Variants in RASSF8 observed in about 807,000 individuals in gnomAD.
RASSF8 encodes ras association domain-containing protein 8.
In RASSF8, 22 loss-of-function variants were observed where a neutral mutation model predicts 48.5. The ratio of observed to expected loss-of-function variants is 0.45; its 90% CI spans 0.32 to 0.65. The LOEUF is 0.65. Ranked by LOEUF, RASSF8 falls within the 30% of genes least tolerant of loss-of-function variation. The pLI, the probability that RASSF8 is intolerant of heterozygous loss-of-function variation, is 0.03. For missense variants in RASSF8, 418 were observed against 489.2 expected (o/e 0.85, Z 1.37); for synonymous variants, 127 against 171.5 (o/e 0.74, Z 2.03).
At position 26,069,248 on chromosome 12, in the gene RASSF8, T is replaced by A; in HGVS notation, c.*430T>A. On this transcript the variant is annotated 3_prime_UTR_variant, in exon 6 of 6. Coordinates refer to ENST00000689635, the MANE Select transcript of RASSF8 (RefSeq NM_001394098.1). ...GACTTATCCTGTGACTGACTTACGT[T>A]ACATATTGTGTGATTATGACCGTGT... 2 of 988,346 alleles carry A rather than the reference T, an allele frequency of 2.0e-6. No homozygotes were observed. The highest frequency in any genetic ancestry group is 2.4e-6 in the Non-Finnish European group (2 of 830,484). 61.2% of individuals were successfully genotyped at this position (988,346 alleles called of 1,614,324 possible). A position where few individuals can be genotyped will look rare whatever the true frequency, so the allele number is the denominator to read the frequency against.
intron 2 of RASSF8, among the ~76,000 whole-genome samples, chr12:26,007,138 C>G (rs548625574): frequency 6.6e-6 from 1 of 152,162 alleles, no homozygotes; most frequent in African/African-American, 2.4e-5. Flanking sequence ...GCAACCAGCT[C>G]TGGCAGAGCT....
intron 2 of RASSF8, among the ~76,000 whole-genome samples, chr12:26,018,495 G>A (rs1942706020): frequency 6.6e-6 from 1 of 152,114 alleles, no homozygotes; most frequent in Non-Finnish European, 1.5e-5. Flanking sequence ...AAAACCAAAT[G>A]TGGATCACAG....
chr12:26,061,797 A>G (rs1209404770), intron 3 of RASSF8, among the ~76,000 whole-genome samples: 1 of 152,190 alleles, frequency 6.6e-6, no homozygotes, highest in Non-Finnish European at 1.5e-5. Flanking sequence ...CCCAATTTAT[A>G]TAATAAAATC....
rs864920 is a variant in RASSF8, at chr12:25,983,414, A to T, written c.-202-11623A>T. Among the ~76,000 whole-genome samples the T allele has an allele frequency of 7.7e-4, 117 of 152,266 alleles. 1 individual carries two copies. Among genetic ancestry groups the T allele is most frequent in the Middle Eastern group, 6.8e-3 (2 of 294 alleles). ...CCCACAGAAAGAAATTCACTTACTGACACATGTGTATGCATATGATACATG... is the reference window on the plus strand; with the variant it reads ...CCCACAGAAAGAAATTCACTTACTGTCACATGTGTATGCATATGATACATG... On this transcript the variant is annotated intron_variant, in intron 1 of 5. Transcript: ENST00000689635.
intron 1 of RASSF8, among the ~76,000 whole-genome samples, chr12:25,992,797 T>A (rs1174886027): frequency 2.0e-5 from 3 of 152,214 alleles, no homozygotes; most frequent in African/African-American, 7.2e-5. Context: ...CTTAAGCCTC[T>A]TGTTTCTCAT....
intron 2 of RASSF8, among the ~76,000 whole-genome samples, chr12:26,006,186 A>G (rs148616127): frequency 6.6e-6 from 1 of 151,988 alleles, no homozygotes. Context: ...CCTTATCTCT[A>G]TCCTTTTCTT....
At chr12:26,075,197 G>C (rs563378162), downstream of RASSF8, among the ~76,000 whole-genome samples, 15 of 152,290 alleles carry the variant, frequency 9.8e-5, no homozygotes, top group African/African-American at 3.6e-4. Flanking sequence ...AAGAATCAAA[G>C]ATACTCCAGG....
intron 3 of RASSF8, among the ~76,000 whole-genome samples, chr12:26,056,513 C>T (rs542843825): frequency 5.3e-5 from 8 of 152,294 alleles, no homozygotes; most frequent in Non-Finnish European, 7.3e-5. Context: ...TTTTATGTCT[C>T]GCCAGTTTAT....
At chr12:25,988,731 T>A (rs76679025) in intron 1 of RASSF8, among the ~76,000 whole-genome samples, 6,843 of 152,186 alleles carry the variant, frequency 0.045, 183 homozygotes, top group Middle Eastern at 0.092. Flanking sequence ...CTGGTTCTCA[T>A]TTATTGAGTT....
At chr12:26,056,922 T>C (rs889270294) in intron 3 of RASSF8, among the ~76,000 whole-genome samples, 4 of 152,188 alleles carry the variant, frequency 2.6e-5, no homozygotes, top group South Asian at 2.1e-4. Context: ...TGAATTAAAA[T>C]ATACAGCTTT....
intron 1 of RASSF8, among the ~76,000 whole-genome samples, chr12:25,986,597 A>G (rs1294057331): frequency 1.3e-5 from 2 of 152,202 alleles, no homozygotes; most frequent in African/African-American, 4.8e-5. Flanking sequence ...CCACAAGAGC[A>G]GCTTACTTCT....
At chr12:26,078,891 G>T (rs1192708563) in intron 5 of RASSF8, 2 of 606,022 alleles carry the variant, frequency 3.3e-6, no homozygotes, top group East Asian at 6.4e-5. Flanking sequence ...ATTTCTAGAA[G>T]GTTCTCAAAA....
intron 2 of RASSF8, among the ~76,000 whole-genome samples, chr12:26,026,511 C>T (rs1362273193): frequency 6.6e-6 from 1 of 152,150 alleles, no homozygotes; most frequent in Non-Finnish European, 1.5e-5. Context: ...TCTCAGCTCA[C>T]TGCAACCTCC....
exon 6 of RASSF8, chr12:26,079,848 G>A (rs1212838768): frequency 1.3e-5 from 2 of 152,030 alleles, no homozygotes; most frequent in Non-Finnish European, 2.9e-5. Flanking sequence ...GTGGAAAACA[G>A]TGTAGAGGTT....
At chr12:26,003,673 T>C (rs1267448831) in intron 2 of RASSF8, among the ~76,000 whole-genome samples, 2 of 152,150 alleles carry the variant, frequency 1.3e-5, no homozygotes, top group Non-Finnish European at 2.9e-5. Context: ...TAATGATGAT[T>C]TTTCTCCAAG....
intron 2 of RASSF8, among the ~76,000 whole-genome samples, chr12:25,999,428 A>C (rs1942204858): frequency 6.6e-6 from 1 of 152,212 alleles, no homozygotes; most frequent in Non-Finnish European, 1.5e-5. Flanking sequence ...TTTGCAACAT[A>C]CTTGCTGTTA....
chr12:25,993,927 AAAT>A (rs1411247586), intron 1 of RASSF8, among the ~76,000 whole-genome samples: 1 of 152,234 alleles, frequency 6.6e-6, no homozygotes, highest in East Asian at 1.9e-4. Context: ...ACTATGTAAA[AAAT>A]AATCAGGAAG....
Position 26,071,295 on chromosome 12 carries a change from C to A in RASSF8, c.*2477C>A. On this transcript the variant is annotated 3_prime_UTR_variant, in exon 6 of 6. Transcript: ENST00000689635. ...TTAGATAAGTGCCACATCCTGGATA[C>A]ATTTCGGAGGGGTAGTGGGCAATGG... 1.0e-6 allele frequency: 1 copy of A among 983,248 alleles called. No individual in the cohort carries two copies. Among genetic ancestry groups the A allele is most frequent in the Non-Finnish European group, 1.2e-6 (1 of 828,126 alleles). 60.9% of individuals were successfully genotyped at this position (983,248 alleles called of 1,614,324 possible).
rs747076960 is a variant in RASSF8 at position 26,065,045 on chromosome 12, T to C, written c.651T>C (p.Asp217=). 1 of 1,613,308 alleles carries C rather than the reference T, an allele frequency of 6.2e-7. No individual in the cohort carries two copies. Among genetic ancestry groups the C allele is most frequent in the South Asian group, 1.1e-5 (1 of 90,962 alleles). The change falls in exon 4 of 6, where the codon GAT becomes GAC. Residue 217 remains aspartate (D), a synonymous_variant. Coordinates refer to ENST00000689635, the MANE Select transcript of RASSF8 (RefSeq NM_001394098.1). ...VRLEQKIKRN[D]VEIEEEEFWE... is the part of the protein sequence containing the mutation. ...TAGAGCAAAAGATCAAAAGAAACGATGTAGAAATTGAGGAGGAAGAATTCT... is the reference window on the plus strand; with the variant it reads ...TAGAGCAAAAGATCAAAAGAAACGACGTAGAAATTGAGGAGGAAGAATTCT...
Sources: gnomAD v4.1 joint callset for allele counts (sites outside exome capture counted in the v4.1 genomes callset) on GRCh38, gnomAD v4.1.1 for gene constraint, MANE v1.5 for transcripts, NCBI Gene and HGNC (gene_info 2026-07-23, HGNC 2026-07-21) for gene names.